Variants in PCNA observed in about 807,000 individuals in gnomAD.
PCNA encodes DNA sliding clamp PCNA.
A neutral mutation model predicts 27.8 loss-of-function variants in PCNA; 4 were observed. The ratio of observed to expected loss-of-function variants is 0.14; its 90% CI spans 0.07 to 0.33. The LOEUF (loss-of-function observed/expected upper bound fraction) is 0.33, where lower values mean the gene tolerates loss of function less well. PCNA is among the 10% of genes least tolerant of loss of function. PCNA has a pLI of 1.00. For synonymous variants in PCNA, 121 were observed against 119.4 expected, an observed-to-expected ratio of 1.01 and a Z score of -0.09; for missense variants, 165 against 327.4, an observed-to-expected ratio of 0.50 and a Z score of 3.83.
Position 5,118,696 on chromosome 20 carries a change from T to G in PCNA, c.320-19A>C. 6.2e-7 allele frequency: 1 copy of G among 1,612,228 alleles called. No individual in the cohort carries two copies. Among genetic ancestry groups the G allele is most frequent in the Non-Finnish European group, 8.5e-7 (1 of 1,178,220 alleles). ...TCCTGGTCTACCAAAAGAAAGCAGA[T>G]GCTTTTGAGAAATACTGACACAGAG... On this transcript the variant is annotated intron_variant, in intron 2 of 5. Transcript: ENST00000379143.
In PCNA at chr20:5,115,379, T is replaced by C. The variant is rs1288019938; in HGVS notation, c.707-17A>G. On this transcript the variant is annotated splice_polypyrimidine_tract_variant and intron_variant, in intron 5 of 5. Coordinates refer to ENST00000379143, the MANE Select transcript of PCNA (RefSeq NM_182649.2). Reference sequence around the variant, plus strand: ...ACTCTACAACTGAAAGACAGGAAGATGGTTAATTACTGAGGAGTATGTATC... The same window carrying C: ...ACTCTACAACTGAAAGACAGGAAGACGGTTAATTACTGAGGAGTATGTATC... The C allele has an allele frequency of 7.4e-6, 12 of 1,613,574 alleles. No homozygotes were observed. Among genetic ancestry groups the C allele is most frequent in the African/African-American group, 1.3e-5 (1 of 74,924 alleles).
intron 4 of PCNA, among the ~76,000 whole-genome samples, chr20:5,116,739 G>A (rs1375635048): frequency 1.3e-5 from 2 of 152,224 alleles, no homozygotes; most frequent in Middle Eastern, 3.4e-3. Flanking sequence ...TGCAACCTCC[G>A]CCTCCTCGGT....
rs1236890337 is a variant in PCNA at position 5,119,808 on chromosome 20, G to C, written c.-10C>G. 1 of 1,555,476 alleles carries C rather than the reference G, an allele frequency of 6.4e-7. No individual in the cohort carries two copies. On this transcript the variant is annotated 5_prime_UTR_variant, in exon 1 of 6. Coordinates refer to ENST00000379143, the MANE Select transcript of PCNA (RefSeq NM_182649.2). ...GGCGCGCCTCGAACATGGTGGCGGA[G>C]TGGCAACAACGCCGCTACAGGCAGG...
intron 1 of PCNA, 146 bp downstream of exon 1, chr20:5,119,432 C>G: frequency 1.5e-6 from 1 of 673,420 alleles, no homozygotes; most frequent in Non-Finnish European, 2.5e-6. Flanking sequence ...GCGCGCTCAG[C>G]TGGGCCCCAC....
chr20:5,125,906 A>G (rs986961335), intron 1 of PCNA, among the ~76,000 whole-genome samples: 2 of 152,184 alleles, frequency 1.3e-5, no homozygotes, highest in African/African-American at 2.4e-5. Flanking sequence ...TGTCCCAAAA[A>G]AGGTCTTTCC....
intron 3 of PCNA, among the ~76,000 whole-genome samples, 198 bp from the exon 4 acceptor site, chr20:5,117,862 A>G (rs1356771302): frequency 6.6e-6 from 1 of 152,268 alleles, no homozygotes; most frequent in Admixed American, 6.5e-5. Context: ...AGGGAACAAG[A>G]GCCTCCTCCT....
chr20:5,119,011 T>C lies in PCNA; in HGVS notation c.222-145A>G, dbSNP rs974449834. 7.9e-6 allele frequency: 5 copies of C among 629,460 alleles called. No homozygotes were observed. In the African/African-American group the frequency reaches 9.1e-5, roughly 12 times the overall value. The allele number at this position is 629,460 out of a possible 1,614,324, so 39.0% of individuals were successfully genotyped here. A position where few individuals can be genotyped will look rare whatever the true frequency, so the allele number is the denominator to read the frequency against. On this transcript the variant is annotated intron_variant, in intron 1 of 5. Transcript: ENST00000379143. ...GTAAGCGGACTGCTGGAGGATGCCA[T>C]TATTAATGCAGACGTTTTGGGACGC...
upstream of PCNA, among the ~76,000 whole-genome samples, chr20:5,123,706 A>AG (rs1297596859): frequency 6.6e-6 from 1 of 152,124 alleles, no homozygotes; most frequent in East Asian, 1.9e-4. Flanking sequence ...AAAAAAAAAA[A>AG]AAAGACTTTT....
intron 4 of PCNA, among the ~76,000 whole-genome samples, 172 bp downstream of exon 4, chr20:5,117,298 A>G (rs994909849): frequency 6.6e-6 from 1 of 152,242 alleles, no homozygotes; most frequent in Non-Finnish European, 1.5e-5. Flanking sequence ...TCTTGCAAAT[A>G]TAATTCTAAA....
chr20:5,116,424 T>A (rs1188353152), intron 4 of PCNA, among the ~76,000 whole-genome samples: 4 of 151,900 alleles, frequency 2.6e-5, no homozygotes, highest in Non-Finnish European at 5.9e-5. Flanking sequence ...TAGACTTTAT[T>A]AATTTAAAAA....
chr20:5,126,472 C>G (rs1376371929), intron 1 of PCNA: 1 of 152,268 alleles, frequency 6.6e-6, no homozygotes, highest in Non-Finnish European at 1.5e-5. Context: ...CCTGGCCTTT[C>G]CATTCGACCT....
rs776734661 is a variant in PCNA, at chr20:5,119,758, T to C, written c.41A>G (p.Lys14Arg). 3.8e-6 allele frequency: 6 copies of C among 1,583,714 alleles called. No individual in the cohort carries two copies. The highest frequency in any genetic ancestry group is 4.3e-6 in the Non-Finnish European group (5 of 1,164,936). Reference protein sequence around the residue: ...ARLVQGSILKKVLEALKDLIN... With the variant: ...ARLVQGSILKRVLEALKDLIN... ...GAGGTCCTTGAGTGCCTCCAACACCTTCTTGAGGATGGAGCCCTGGACCAG... is the reference window on the plus strand; with the variant it reads ...GAGGTCCTTGAGTGCCTCCAACACCCTCTTGAGGATGGAGCCCTGGACCAG... The change falls in exon 1 of 6, where the codon AAG becomes AGG. Residue 14 changes from lysine to arginine, a missense_variant. Physicochemically the swap from Lys to Arg is conservative, Grantham distance 26. Transcript: ENST00000379143.
chr20:5,123,248 A>G (rs141939356), upstream of PCNA, among the ~76,000 whole-genome samples: 1,253 of 152,220 alleles, frequency 8.2e-3, 9 homozygotes, highest in Admixed American at 0.013. Flanking sequence ...AGTGCAAGGG[A>G]ATGTGGTCAA....
At chr20:5,119,074 T>A (rs1385911327) in intron 1 of PCNA, among the ~76,000 whole-genome samples, 1 of 152,050 alleles carries the variant, frequency 6.6e-6, no homozygotes, top group African/African-American at 2.4e-5. Flanking sequence ...ACCAGCAGTG[T>A]CCCTTCTGGA....
At chr20:5,115,623 A>G (rs1040613084) in intron 4 of PCNA, 51 bp from the exon 5 acceptor site, 14 of 1,473,570 alleles carry the variant, frequency 9.5e-6, no homozygotes, top group African/African-American at 2.8e-5. Flanking sequence ...GTTGCAATCT[A>G]TTAGCTCATT....
At chr20:5,122,859 C>T (rs2090525748), upstream of PCNA, among the ~76,000 whole-genome samples, 1 of 152,184 alleles carries the variant, frequency 6.6e-6, no homozygotes, top group South Asian at 2.1e-4. Flanking sequence ...ATGGGGGATC[C>T]ACCATGTACA....
At chr20:5,117,370 T>C in intron 4 of PCNA, 100 bp downstream of exon 4, 1 of 778,918 alleles carries the variant, frequency 1.3e-6, no homozygotes, top group Admixed American at 2.9e-5. Context: ...AGAAATTACT[T>C]GGGATCCAAT....
upstream of PCNA, among the ~76,000 whole-genome samples, chr20:5,120,211 T>G (rs2090509681): frequency 6.6e-6 from 1 of 152,220 alleles, no homozygotes; most frequent in Non-Finnish European, 1.5e-5. Context: ...CGGGTCCCGG[T>G]CCCGGCTCGT....
chr20:5,116,659 TTTTG>T (rs748025705), intron 4 of PCNA, among the ~76,000 whole-genome samples: 6 of 152,296 alleles, frequency 3.9e-5, no homozygotes, highest in African/African-American at 9.6e-5. Flanking sequence ...AGCGAGTTTT[TTTTG>T]TTTGTTTAAG....
Sources: allele counts gnomAD v4.1 joint callset (sites outside exome capture counted in the v4.1 genomes callset), GRCh38; gene constraint gnomAD v4.1.1; transcripts MANE v1.5; gene names NCBI Gene and HGNC (gene_info 2026-07-23, HGNC 2026-07-21).